GRID1: variants seen among roughly 807,000 people sequenced by gnomAD.
The protein encoded by GRID1 is glutamate ionotropic receptor delta type subunit 1, also known as glutamate receptor ionotropic, delta-1.
GRID1 carries 28 observed loss-of-function variants against 98.0 expected under a neutral mutation model. The observed-to-expected ratio is 0.29, with a 90% confidence interval of 0.21 to 0.39. The LOEUF (loss-of-function observed/expected upper bound fraction) is 0.39. Ranked by LOEUF, GRID1 falls within the 10% of genes least tolerant of loss-of-function variation. The pLI is 1.00. For synonymous variants in GRID1, 553 were observed against 538.5 expected, an observed-to-expected ratio of 1.03 and a Z score of -0.37; for missense variants, 1,111 against 1,340.5, an observed-to-expected ratio of 0.83 and a Z score of 2.67.
intron 2 of GRID1, among the ~76,000 whole-genome samples, chr10:86,360,450 T>C (rs1338617092): frequency 2.0e-5 from 3 of 152,264 alleles, no homozygotes; most frequent in Non-Finnish European, 4.4e-5. Context: ...ATTGCCCTTT[T>C]TCTTTTTTAT....
At chr10:85,938,009 G>T (rs1183467861) in intron 4 of GRID1, among the ~76,000 whole-genome samples, 1 of 152,114 alleles carries the variant, frequency 6.6e-6, no homozygotes, top group African/African-American at 2.4e-5. Flanking sequence ...TCAACATCTA[G>T]ACTCTCCATC....
chr10:85,696,989 T>C (rs1172167898), intron 12 of GRID1, among the ~76,000 whole-genome samples: 1 of 152,054 alleles, frequency 6.6e-6, no homozygotes, highest in East Asian at 1.9e-4. Context: ...GGATAGAACA[T>C]GTTATGTATG....
At chr10:85,995,309 G>A (rs58662397) in intron 4 of GRID1, among the ~76,000 whole-genome samples, 2 of 152,348 alleles carry the variant, frequency 1.3e-5, no homozygotes, top group East Asian at 1.9e-4. Context: ...ATCCTGGAAA[G>A]AGAGGAAGTT....
At chr10:86,342,579 C>T (rs1848324141) in intron 2 of GRID1, among the ~76,000 whole-genome samples, 1 of 152,236 alleles carries the variant, frequency 6.6e-6, no homozygotes, top group Non-Finnish European at 1.5e-5. Flanking sequence ...ACGGGCTGGC[C>T]ATGCCCCCAG....
Position 85,695,926 on chromosome 10 carries a change from T to A in GRID1, c.1997+27077A>T, listed in dbSNP as rs4488140. Among the ~76,000 whole-genome samples the A allele has an allele frequency of 4.2e-4, 64 of 151,942 alleles. No homozygotes were observed. The South Asian group carries it at 8.1e-3, about 19-fold the overall frequency. On this transcript the variant is annotated intron_variant, in intron 12 of 15. Coordinates refer to ENST00000327946, the MANE Select transcript of GRID1 (RefSeq NM_017551.3). ...ATTATGGACACAGCTCAGGGATGCATAATTTGTCACCTCCCAAGGGTGTTT... is the reference window on the plus strand; with the variant it reads ...ATTATGGACACAGCTCAGGGATGCAAAATTTGTCACCTCCCAAGGGTGTTT...
intron 4 of GRID1, among the ~76,000 whole-genome samples, chr10:85,917,047 G>A (rs12761026): frequency 0.045 from 6,884 of 152,280 alleles, 206 homozygotes; most frequent in Middle Eastern, 0.099. Flanking sequence ...ACAGAACTCA[G>A]TTAATTATTT....
At chr10:86,265,599 G>A (rs1847092286) in intron 2 of GRID1, among the ~76,000 whole-genome samples, 1 of 152,214 alleles carries the variant, frequency 6.6e-6, no homozygotes, top group Non-Finnish European at 1.5e-5. Flanking sequence ...CACCCCATGA[G>A]TAAAATCAGA....
chr10:86,226,697 G>A (rs1589418081), intron 2 of GRID1, among the ~76,000 whole-genome samples: 1 of 143,624 alleles, frequency 7.0e-6, no homozygotes, highest in Admixed American at 7.1e-5. Flanking sequence ...GCAGCAACAG[G>A]AGTCACCTTG....
At chr10:85,888,180 C>A (rs973335715) in intron 5 of GRID1, among the ~76,000 whole-genome samples, 2 of 152,330 alleles carry the variant, frequency 1.3e-5, no homozygotes, top group African/African-American at 4.8e-5. Flanking sequence ...GACGCAATAG[C>A]TTCTGCTCAC....
intron 12 of GRID1, among the ~76,000 whole-genome samples, chr10:85,699,105 T>G (rs1314055099): frequency 6.6e-6 from 1 of 152,090 alleles, no homozygotes; most frequent in Non-Finnish European, 1.5e-5. Flanking sequence ...CAGGCTGGAG[T>G]GCAGTGCTGT....
chr10:85,676,373 A>T (rs1841145634), intron 12 of GRID1, among the ~76,000 whole-genome samples: 1 of 152,182 alleles, frequency 6.6e-6, no homozygotes, highest in Non-Finnish European at 1.5e-5. Context: ...CTGTGGGGCC[A>T]CTTGGAATCC....
At chr10:86,334,766 T>A (rs935585557) in intron 2 of GRID1, among the ~76,000 whole-genome samples, 1 of 152,212 alleles carries the variant, frequency 6.6e-6, no homozygotes, top group African/African-American at 2.4e-5. Context: ...GGCTCCCTGA[T>A]AATGGACCAT....
At chr10:86,084,789 C>T (rs1258297638) in intron 4 of GRID1, among the ~76,000 whole-genome samples, 1 of 152,044 alleles carries the variant, frequency 6.6e-6, no homozygotes, top group Non-Finnish European at 1.5e-5. Context: ...CAACAGAATA[C>T]TGTATGATCT....
chr10:85,671,605 G>A (rs1032217983), intron 12 of GRID1, among the ~76,000 whole-genome samples: 5 of 152,080 alleles, frequency 3.3e-5, no homozygotes, highest in African/African-American at 1.2e-4. Context: ...ATTGAAATTA[G>A]GTGATTAATA....
chr10:85,934,767 G>T (rs187231025), intron 4 of GRID1, among the ~76,000 whole-genome samples: 1 of 152,256 alleles, frequency 6.6e-6, no homozygotes, highest in Non-Finnish European at 1.5e-5. Context: ...GCTGGCTGGG[G>T]CCACTGCCAG....
At chr10:85,723,882 C>G (rs1008225808) in intron 11 of GRID1, among the ~76,000 whole-genome samples, 2 of 152,198 alleles carry the variant, frequency 1.3e-5, no homozygotes, top group Non-Finnish European at 2.9e-5. Flanking sequence ...ATGGCACAAT[C>G]CTATAACTCA....
intron 8 of GRID1, among the ~76,000 whole-genome samples, chr10:85,844,896 T>C (rs1406511115): frequency 2.6e-5 from 4 of 151,982 alleles, no homozygotes; most frequent in African/African-American, 9.7e-5. Context: ...AATGTAACAC[T>C]CATTCTTGAT....
intron 13 of GRID1, among the ~76,000 whole-genome samples, chr10:85,634,767 T>A (rs1843016541): frequency 6.6e-6 from 1 of 152,016 alleles, no homozygotes; most frequent in South Asian, 2.1e-4. Context: ...TTGCCAACAA[T>A]CTGGCTGACA....
In GRID1 at chr10:85,821,458, A is replaced by T. The variant is rs1842769518; in HGVS notation, c.1233+33038T>A. Among the ~76,000 whole-genome samples the T allele has an allele frequency of 2.2e-5, 3 of 135,014 alleles. No homozygotes were observed. The South Asian group carries it at 8.0e-4, about 36-fold the overall frequency. The allele number at this position is 135,014 out of a possible 152,430, so 88.6% of individuals were successfully genotyped here. On this transcript the variant is annotated intron_variant, in intron 8 of 15. Coordinates refer to ENST00000327946, the MANE Select transcript of GRID1 (RefSeq NM_017551.3). ...CTTGAACCCGGGAGGCAGAGGTTGC[A>T]GTGAGCTGAGATTGTGCCACTGCAC...
Sources: gnomAD v4.1 joint callset for allele counts (sites outside exome capture counted in the v4.1 genomes callset) on GRCh38, gnomAD v4.1.1 for gene constraint, MANE v1.5 for transcripts, NCBI Gene and HGNC (gene_info 2026-07-23, HGNC 2026-07-21) for gene names.